VSIG10: variants seen among roughly 807,000 people sequenced by gnomAD.
VSIG10 encodes V-set and immunoglobulin domain-containing protein 10.
In VSIG10, 48 loss-of-function variants were observed where a neutral mutation model predicts 58.7. The observed-to-expected ratio is 0.82, with a 90% CI of 0.65 to 1.04. The LOEUF (loss-of-function observed/expected upper bound fraction) is 1.04. Among genes scored for constraint, VSIG10 ranks in the 50% least tolerant of loss-of-function variants. The pLI is 0.00. For missense variants in VSIG10, 628 were observed against 670.0 expected (o/e 0.94, Z 0.69); for synonymous variants, 260 against 267.1 (o/e 0.97, Z 0.26).
At chr12:118,084,631 C>T (rs144123059) in intron 2 of VSIG10, among the ~76,000 whole-genome samples, 1,643 of 152,170 alleles carry the variant, frequency 0.011, 23 homozygotes, top group South Asian at 0.066. Flanking sequence ...GTAATCCCAG[C>T]GCTTTGGGAG....
intron 4 of VSIG10, among the ~76,000 whole-genome samples, chr12:118,077,002 C>A (rs1242029617): frequency 6.6e-6 from 1 of 152,170 alleles, no homozygotes; most frequent in East Asian, 1.9e-4. Flanking sequence ...TGGATTACAG[C>A]CTACTCTAAT....
At position 118,066,585 on chromosome 12, in the gene VSIG10, T is replaced by G; in HGVS notation, c.*54A>C. On this transcript the variant is annotated 3_prime_UTR_variant, in exon 9 of 9. Transcript: ENST00000359236. ...TCAAAGCTGAATGAAGAGCTCGTCT[T>G]CAATGTAGCTCTCCAAGCTTTCAGA... 1.3e-6 allele frequency: 2 copies of G among 1,595,786 alleles called. No individual in the cohort carries two copies. Among genetic ancestry groups the G allele is most frequent in the Non-Finnish European group, 1.7e-6 (2 of 1,163,376 alleles).
chr12:118,098,373 G>A (rs545354849), intron 1 of VSIG10, among the ~76,000 whole-genome samples: 16 of 147,390 alleles, frequency 1.1e-4, no homozygotes, highest in East Asian at 2.0e-4. Context: ...CTCTCTCTCC[G>A]CCTCTCCCTC....
At chr12:118,087,982 A>G (rs2033179469) in intron 2 of VSIG10, among the ~76,000 whole-genome samples, 1 of 152,126 alleles carries the variant, frequency 6.6e-6, no homozygotes, top group Non-Finnish European at 1.5e-5. Flanking sequence ...GCGGTGGCTC[A>G]TGCCTGTAAT....
At position 118,066,559 on chromosome 12, in the gene VSIG10, G is replaced by A; in HGVS notation, c.*80C>T. 3 of 1,546,776 alleles carry A rather than the reference G, an allele frequency of 1.9e-6. No individual in the cohort carries two copies. Among genetic ancestry groups the A allele is most frequent in the Non-Finnish European group, 2.7e-6 (3 of 1,119,200 alleles). On this transcript the variant is annotated 3_prime_UTR_variant, in exon 9 of 9. Transcript: ENST00000359236. ...AGCCCCCGCCAGGGGTGCAGGTGGA[G>A]TCAAAGCTGAATGAAGAGCTCGTCT...
chr12:118,067,458 AC>A (rs1476237403), intron 8 of VSIG10, among the ~76,000 whole-genome samples: 1 of 140,390 alleles, frequency 7.1e-6, no homozygotes, highest in African/African-American at 2.7e-5. Context: ...GTTCCCCTAA[AC>A]TGGCCTTTTT....
rs190667295 is a variant in VSIG10, at chr12:118,072,232, G to A, written c.1220-763C>T. ...TGTAATCCCAGCACTTTGGGAGGCC[G>A]AGGCAGGCGGATCACGAGGTCAGGA... is the stretch of plus-strand genomic sequence containing the variant. On this transcript the variant is annotated intron_variant, in intron 5 of 8. Transcript: ENST00000359236. Among the ~76,000 whole-genome samples, 1,243 of 152,192 alleles carry A rather than the reference G, an allele frequency of 8.2e-3. 13 individuals carry two copies. Among genetic ancestry groups the A allele is most frequent in the Middle Eastern group, 0.02 (6 of 294 alleles).
chr12:118,071,305 C>T, intron 6 of VSIG10, 54 bp downstream of exon 6: 2 of 1,543,986 alleles, frequency 1.3e-6, no homozygotes, highest in South Asian at 2.2e-5. Context: ...CTTCCCCATC[C>T]CGCACCTTTT....
intron 2 of VSIG10, among the ~76,000 whole-genome samples, chr12:118,093,468 C>T (rs991946601): frequency 6.6e-6 from 1 of 151,878 alleles, no homozygotes; most frequent in Non-Finnish European, 1.5e-5. Context: ...CTCAGCCTCC[C>T]AAAGTGCTGG....
chr12:118,070,541 C>T (rs34842668), intron 7 of VSIG10, among the ~76,000 whole-genome samples: 14,136 of 107,728 alleles, frequency 0.13, 912 homozygotes, highest in Admixed American at 0.25. Context: ...GAGAGAGATT[C>T]TGTCTCAAAA....
chr12:118,068,199 T>C (rs948365783), intron 8 of VSIG10, among the ~76,000 whole-genome samples, 178 bp downstream of exon 8: 3 of 143,624 alleles, frequency 2.1e-5, no homozygotes, highest in South Asian at 2.2e-4. Context: ...TTTTTCTTTT[T>C]TTTTTTTTTT....
At chr12:118,091,950 G>A (rs1057291190) in intron 2 of VSIG10, among the ~76,000 whole-genome samples, 4 of 152,056 alleles carry the variant, frequency 2.6e-5, no homozygotes, top group Admixed American at 2.6e-4. Context: ...GTAGAAACGG[G>A]GTTTCACCAT....
chr12:118,082,114 GC>G lies in VSIG10; in HGVS notation c.664+12del. The G allele has an allele frequency of 1.9e-6, 3 of 1,609,392 alleles. No homozygotes were observed. The highest frequency in any genetic ancestry group is 2.6e-6 in the Non-Finnish European group (3 of 1,176,268). ...AGGGGAAGAAGCGGGGCAGAGGAGTGCTGCTTACGCACAGTAGACCAGGAGC... is the reference window on the plus strand; with the variant it reads ...AGGGGAAGAAGCGGGGCAGAGGAGTGTGCTTACGCACAGTAGACCAGGAGC... On this transcript the variant is annotated intron_variant, in intron 3 of 8. Coordinates refer to ENST00000359236, the MANE Select transcript of VSIG10 (RefSeq NM_019086.6).
chr12:118,087,837 C>CAAAAAAAAAAA (rs10654315), intron 2 of VSIG10, among the ~76,000 whole-genome samples: 4 of 62,594 alleles, frequency 6.4e-5, no homozygotes, highest in Non-Finnish European at 9.3e-5. Context: ...GATCCTGTCT[C>CAAAAAAAAAAA]AAAAAAAAAA....
intron 3 of VSIG10, among the ~76,000 whole-genome samples, chr12:118,080,246 C>T (rs998518741): frequency 1.3e-5 from 2 of 151,456 alleles, no homozygotes; most frequent in Non-Finnish European, 1.5e-5. Flanking sequence ...GTGATCCACC[C>T]GCCTCAGCCT....
At chr12:118,068,329 CT>C (rs772276266) in intron 8 of VSIG10, 47 bp downstream of exon 8, 5 of 1,596,008 alleles carry the variant, frequency 3.1e-6, no homozygotes, top group African/African-American at 1.4e-5. Flanking sequence ...GCCAACGCGC[CT>C]TTTTTTGTTT....
intron 4 of VSIG10, among the ~76,000 whole-genome samples, chr12:118,077,422 C>G (rs1464671223): frequency 6.6e-6 from 1 of 152,110 alleles, no homozygotes; most frequent in Non-Finnish European, 1.5e-5. Flanking sequence ...ATATTATCAT[C>G]ATATCTGGAC....
intron 1 of VSIG10, among the ~76,000 whole-genome samples, chr12:118,100,451 C>T (rs961244174): frequency 3.3e-5 from 5 of 151,932 alleles, no homozygotes; most frequent in Admixed American, 6.6e-5. Context: ...GAGCCAAGAT[C>T]GCACCATTGC....
intron 2 of VSIG10, among the ~76,000 whole-genome samples, chr12:118,092,785 G>A (rs995706751): frequency 8.6e-5 from 13 of 151,742 alleles, no homozygotes; most frequent in Middle Eastern, 3.4e-3. Flanking sequence ...ACAGGCACAC[G>A]CCATCACACC....
Sources: allele counts gnomAD v4.1 joint callset (sites outside exome capture counted in the v4.1 genomes callset), GRCh38; gene constraint gnomAD v4.1.1; transcripts MANE v1.5; gene names NCBI Gene and HGNC (gene_info 2026-07-23, HGNC 2026-07-21).